The following ABTB2 variants were observed in gnomAD, a reference collection of about 807,000 sequenced individuals.
ABTB2 encodes the protein ankyrin repeat and BTB/POZ domain-containing protein 2.
ABTB2 carries 56 observed loss-of-function variants against 104.1 expected under a neutral mutation model. The observed-to-expected ratio is 0.54, with a 90% CI of 0.43 to 0.67. The LOEUF (loss-of-function observed/expected upper bound fraction) is 0.67, where lower values mean the gene tolerates loss of function less well. Ranked by LOEUF, ABTB2 falls within the 30% of genes least tolerant of loss-of-function variation. The probability of loss-of-function intolerance (pLI) is 0.00; values close to 1 mark genes in which losing one functional copy is unlikely to be tolerated. For synonymous variants in ABTB2, 606 were observed against 608.2 expected, an observed-to-expected ratio of 1.00 and a Z score of 0.05; for missense variants, 1,279 against 1,407.7, an observed-to-expected ratio of 0.91 and a Z score of 1.46.
chr11:34,331,357 G>A (rs555516825), intron 1 of ABTB2, among the ~76,000 whole-genome samples: 2 of 152,322 alleles, frequency 1.3e-5, no homozygotes, highest in African/African-American at 4.8e-5. Context: ...GGAGTAAGGA[G>A]TTGTGGAAAA....
intron 3 of ABTB2, among the ~76,000 whole-genome samples, chr11:34,193,331 G>A (rs2473906): frequency 0.57 from 86,640 of 152,160 alleles, 25,099 homozygotes; most frequent in South Asian, 0.66. Flanking sequence ...CTGGAAGGGT[G>A]CAGGGAGGCT....
At chr11:34,339,559 A>T (rs973913789) in intron 1 of ABTB2, among the ~76,000 whole-genome samples, 23 of 152,220 alleles carry the variant, frequency 1.5e-4, no homozygotes, top group Admixed American at 9.8e-4. Flanking sequence ...ACCCAGTTAC[A>T]CCAATGGCAA....
At chr11:34,248,424 T>TAAACAAAC (rs201577559) in intron 1 of ABTB2, among the ~76,000 whole-genome samples, 5 of 151,978 alleles carry the variant, frequency 3.3e-5, no homozygotes, top group Admixed American at 6.6e-5. Context: ...AGTTTCCTAT[T>TAAACAAAC]AAACAAACAA....
chr11:34,312,672 A>T (rs767145081), intron 1 of ABTB2, among the ~76,000 whole-genome samples: 4 of 151,912 alleles, frequency 2.6e-5, no homozygotes, highest in Non-Finnish European at 4.4e-5. Flanking sequence ...AAATAAGCCC[A>T]CTCCTCTGAA....
intron 3 of ABTB2, among the ~76,000 whole-genome samples, chr11:34,181,755 C>A (rs1406104939): frequency 6.6e-6 from 1 of 152,192 alleles, no homozygotes; most frequent in Non-Finnish European, 1.5e-5. Flanking sequence ...CTCCCCATCA[C>A]CCGCTAAGCT....
At chr11:34,307,472 T>C (rs1419265981) in intron 1 of ABTB2, among the ~76,000 whole-genome samples, 1 of 152,146 alleles carries the variant, frequency 6.6e-6, no homozygotes, top group Non-Finnish European at 1.5e-5. Context: ...TCTTCAGCAG[T>C]CTCCACCATC....
At chr11:34,240,009 T>C (rs1420493549) in intron 1 of ABTB2, among the ~76,000 whole-genome samples, 1 of 152,200 alleles carries the variant, frequency 6.6e-6, no homozygotes, top group Non-Finnish European at 1.5e-5. Context: ...GAGTTTCTTA[T>C]TTCAGTTCCA....
intron 2 of ABTB2, among the ~76,000 whole-genome samples, chr11:34,202,817 T>A (rs1853360775): frequency 6.6e-6 from 1 of 151,704 alleles, no homozygotes; most frequent in South Asian, 2.1e-4. Flanking sequence ...CCAGCCTGGG[T>A]GACAGAGCGA....
chr11:34,178,286 C>T (rs1852981160), intron 3 of ABTB2, among the ~76,000 whole-genome samples: 1 of 152,152 alleles, frequency 6.6e-6, no homozygotes. Context: ...AGCCTGGGAT[C>T]TGTGGGAAGG....
chr11:34,353,316 C>G (rs1051503954), intron 1 of ABTB2, among the ~76,000 whole-genome samples: 10 of 151,996 alleles, frequency 6.6e-5, no homozygotes, highest in Admixed American at 5.2e-4. Context: ...CAAGAAGAAA[C>G]CTAGTAGTGA....
At chr11:34,190,490 G>A (rs1282675940) in intron 3 of ABTB2, among the ~76,000 whole-genome samples, 1 of 152,098 alleles carries the variant, frequency 6.6e-6, no homozygotes, top group East Asian at 1.9e-4. Flanking sequence ...TCATTAGGCT[G>A]GAGACTCATA....
At chr11:34,308,868 C>CAAAAAAAAAAAAAAAAAAAAAA (rs57658114) in intron 1 of ABTB2, among the ~76,000 whole-genome samples, 17 of 77,788 alleles carry the variant, frequency 2.2e-4, no homozygotes, top group East Asian at 7.4e-4. Flanking sequence ...GAAACTGTCT[C>CAAAAAAAAAAAAAAAAAAAAAA]AAAAAAAAAA....
intron 1 of ABTB2, among the ~76,000 whole-genome samples, chr11:34,291,905 G>GTT (rs796382639): frequency 2.7e-5 from 4 of 146,146 alleles, no homozygotes; most frequent in Admixed American, 1.4e-4. Flanking sequence ...CTAATAAGAG[G>GTT]TTTTTTTTTT....
chr11:34,223,281 G>A (rs371238980), intron 1 of ABTB2, among the ~76,000 whole-genome samples: 159 of 152,270 alleles, frequency 1.0e-3, no homozygotes, highest in African/African-American at 3.5e-3. Context: ...ACGTCCCAAA[G>A]AGGCAGCCCC....
rs556049169 is a variant in ABTB2, at chr11:34,305,358, C to A, written c.883+51343G>T. 2.0e-5 allele frequency among the ~76,000 whole-genome samples: 3 copies of A among 152,346 alleles called. No individual in the cohort carries two copies. In the East Asian group the frequency reaches 5.8e-4, roughly 29 times the overall value. ...TGCACACATTCGCTCTGATACCTGGCACACTTCTCTCCTCAAAGAGGAAAA... is the reference window on the plus strand; with the variant it reads ...TGCACACATTCGCTCTGATACCTGGAACACTTCTCTCCTCAAAGAGGAAAA... On this transcript the variant is annotated intron_variant, in intron 1 of 16. Transcript: ENST00000435224.
At chr11:34,195,076 G>GGGGGGGGT (rs1853234744) in intron 3 of ABTB2, among the ~76,000 whole-genome samples, 2 of 37,458 alleles carry the variant, frequency 5.3e-5, no homozygotes, top group Admixed American at 2.0e-4. Context: ...GATGCCCGGC[G>GGGGGGGGT]GGGGGGGGGA....
At chr11:34,302,615 C>T (rs1378963202) in intron 1 of ABTB2, among the ~76,000 whole-genome samples, 1 of 152,198 alleles carries the variant, frequency 6.6e-6, no homozygotes, top group Admixed American at 6.5e-5. Flanking sequence ...GTCATTGAGG[C>T]TGTGGCCCTT....
At chr11:34,227,489 T>C (rs139633114) in intron 1 of ABTB2, among the ~76,000 whole-genome samples, 1 of 152,348 alleles carries the variant, frequency 6.6e-6, no homozygotes, top group African/African-American at 2.4e-5. Flanking sequence ...TTAAGGTCCA[T>C]CCATGTTGTA....
chr11:34,245,968 T>C (rs1301782683), intron 1 of ABTB2, among the ~76,000 whole-genome samples: 1 of 152,126 alleles, frequency 6.6e-6, no homozygotes, highest in Non-Finnish European at 1.5e-5. Flanking sequence ...AGAGAGGCCC[T>C]CCTCATCCTG....
Sources: gnomAD v4.1 joint callset for allele counts (sites outside exome capture counted in the v4.1 genomes callset) on GRCh38, gnomAD v4.1.1 for gene constraint, MANE v1.5 for transcripts, NCBI Gene and HGNC (gene_info 2026-07-23, HGNC 2026-07-21) for gene names.